The following TP53BP1 variants were observed in gnomAD, a reference collection of about 807,000 sequenced individuals.
TP53BP1 encodes tumor protein p53 binding protein 1, also known as TP53-binding protein 1.
In TP53BP1, 61 loss-of-function variants were observed where a neutral mutation model predicts 200.8. The ratio of observed to expected loss-of-function variants is 0.30; its 90% CI spans 0.25 to 0.38. The LOEUF (loss-of-function observed/expected upper bound fraction) is 0.38. Ranked by LOEUF, TP53BP1 falls within the 10% of genes least tolerant of loss-of-function variation. The probability of loss-of-function intolerance (pLI) is 1.00; values close to 1 mark genes in which losing one functional copy is unlikely to be tolerated. For missense variants in TP53BP1, 2,144 were observed against 2,371.9 expected (o/e 0.90, Z 2.00); for synonymous variants, 822 against 844.3 (o/e 0.97, Z 0.46).
In TP53BP1 at chr15:43,492,425, G is replaced by A. The variant is rs1289402101; in HGVS notation, c.51C>T (p.Phe17=). The change falls in exon 2 of 28, where the codon TTC becomes TTT. Residue 17 remains phenylalanine (F), a synonymous_variant. Transcript: ENST00000382044. ...DPTGSQLDSD[F]SQQDTPCLII... ...TCAGGCAAGGAGTATCTTGCTGAGAGAAATCTGAATCCAACTGACTTCCAG... is the reference window on the plus strand; with the variant it reads ...TCAGGCAAGGAGTATCTTGCTGAGAAAAATCTGAATCCAACTGACTTCCAG... 3 of 1,614,054 alleles carry A rather than the reference G, an allele frequency of 1.9e-6. No individual in the cohort carries two copies. The highest frequency in any genetic ancestry group is 1.7e-6 in the Non-Finnish European group (2 of 1,179,984).
rs2079138411 is a variant in TP53BP1, at chr15:43,492,409, G to A, written c.67C>T (p.Pro23Ser). The change falls in exon 2 of 28, where the codon CCT (proline) becomes TCT (serine). Residue 23 changes from proline (P) to serine (S), a missense_variant. By Grantham distance (74) the Pro-to-Ser change is moderately conservative (BLOSUM62 -1). This residue lies in a region of TP53BP1 where 1,700 missense variants were observed against 1,710.3 expected (regional missense o/e 0.99). Transcript: ENST00000382044. Reference protein sequence around the residue: ...LDSDFSQQDTPCLIIEDSQPE... With the variant: ...LDSDFSQQDTSCLIIEDSQPE... ...TGAGAATCTTCAATTATCAGGCAAG[G>A]AGTATCTTGCTGAGAGAAATCTGAA... 6.2e-7 allele frequency: 1 copy of A among 1,613,934 alleles called. No individual in the cohort carries two copies. Among genetic ancestry groups the A allele is most frequent in the Non-Finnish European group, 8.5e-7 (1 of 1,179,860 alleles).
At chr15:43,498,535 AAGAGAG>A (rs956805908) in intron 1 of TP53BP1, among the ~76,000 whole-genome samples, 1 of 151,710 alleles carries the variant, frequency 6.6e-6, no homozygotes, top group Non-Finnish European at 1.5e-5. Context: ...TCCAAAGAGA[AAGAGAG>A]AGAGAGAGAA....
At position 43,447,380 on chromosome 15, in the gene TP53BP1, T is replaced by C. The variant is rs1316718233; in HGVS notation, c.2822A>G (p.His941Arg). 2 of 1,599,752 alleles carry C rather than the reference T, an allele frequency of 1.3e-6. No individual in the cohort carries two copies. Among genetic ancestry groups the C allele is most frequent in the Non-Finnish European group, 1.7e-6 (2 of 1,176,708 alleles). The part of the protein sequence containing the change: ...IGHLKLEPKR[H>R]STPIGISNYP... Reference sequence around the variant, plus strand: ...TATTCACTCACCAATAGGAGTACTGTGTCTCTTGGGCTCCAATTTTAGGTG... The same window carrying C: ...TATTCACTCACCAATAGGAGTACTGCGTCTCTTGGGCTCCAATTTTAGGTG... The change falls in exon 13 of 28, where the codon CAC becomes CGC. Residue 941 changes from histidine (H) to arginine (R), a missense_variant. His to Arg is a conservative substitution (Grantham distance 29, BLOSUM62 0). This residue lies in a region of TP53BP1 where 1,700 missense variants were observed against 1,710.3 expected (regional missense o/e 0.99). Transcript: ENST00000382044.
chr15:43,455,251 ATCCT>A (rs1353737128), intron 12 of TP53BP1, among the ~76,000 whole-genome samples: 1 of 152,150 alleles, frequency 6.6e-6, no homozygotes, highest in African/African-American at 2.4e-5. Context: ...ATCAAAAAAG[ATCCT>A]TCTACTTCAA....
chr15:43,482,216 G>A (rs2078981887), intron 4 of TP53BP1, among the ~76,000 whole-genome samples: 1 of 151,786 alleles, frequency 6.6e-6, no homozygotes, highest in African/African-American at 2.4e-5. Flanking sequence ...GCGACAGAGC[G>A]AGACTCCACC....
In TP53BP1 at chr15:43,416,236, T is replaced by C; in HGVS notation, c.4862A>G (p.Asp1621Gly). ...AGCAAAAGTCTTACCTAAGCTGATATCTGCTGCCTTTGTAAGAGGTGTTAC... is the reference window on the plus strand; with the variant it reads ...AGCAAAAGTCTTACCTAAGCTGATACCTGCTGCCTTTGTAAGAGGTGTTAC... ...EAVTPLTKAA[D>G]ISLDNLVEGK... Residue 1621 changes from aspartate to glycine, a missense_variant, in exon 22 of 28, where the codon GAT (aspartate) becomes GGT (glycine). Asp to Gly is a moderately conservative substitution (Grantham distance 94, BLOSUM62 -1). This residue lies in a region of TP53BP1 where 334 missense variants were observed against 453.4 expected (regional missense o/e 0.74). Coordinates refer to ENST00000382044, the MANE Select transcript of TP53BP1 (RefSeq NM_001141980.3). 1 of 1,613,610 alleles carries C rather than the reference T, an allele frequency of 6.2e-7. No homozygotes were observed. The highest frequency in any genetic ancestry group is 8.5e-7 in the Non-Finnish European group (1 of 1,179,880).
rs1454709125 is a variant in TP53BP1 at position 43,415,634 on chromosome 15, G to A, written c.5049C>T (p.Ser1683=). The change falls in exon 23 of 28, where the codon TCC becomes TCT. Residue 1683 remains serine, a synonymous_variant. Coordinates refer to ENST00000382044, the MANE Select transcript of TP53BP1 (RefSeq NM_001141980.3). ...RKLITSEEER[S]PAKRGRKSAT... Reference sequence around the variant, plus strand: ...CAGACTTGCGACCTCGCTTGGCAGGGGACCGTTCCTCTTCAGAAGTGATAA... The same window carrying A: ...CAGACTTGCGACCTCGCTTGGCAGGAGACCGTTCCTCTTCAGAAGTGATAA... 1.2e-6 allele frequency: 2 copies of A among 1,614,168 alleles called. No homozygotes were observed. The highest frequency in any genetic ancestry group is 1.7e-6 in the Non-Finnish European group (2 of 1,180,028).
intron 14 of TP53BP1, among the ~76,000 whole-genome samples, chr15:43,443,770 A>C (rs1234944048): frequency 6.6e-6 from 1 of 152,202 alleles, no homozygotes; most frequent in Admixed American, 6.5e-5. Flanking sequence ...GTCGTACTGA[A>C]AAAAATCCCA....
At chr15:43,454,242 T>C (rs1435123665) in intron 12 of TP53BP1, among the ~76,000 whole-genome samples, 2 of 152,082 alleles carry the variant, frequency 1.3e-5, no homozygotes, top group Admixed American at 6.5e-5. Flanking sequence ...CCAAAAAATA[T>C]GGTCACTCAT....
rs531348395 is a variant in TP53BP1, at chr15:43,483,887, G to C, written c.372-2865C>G. Among the ~76,000 whole-genome samples the C allele has an allele frequency of 2.5e-4, 38 of 152,294 alleles. 1 individual carries two copies. The highest frequency in any genetic ancestry group is 7.7e-4 in the African/African-American group (32 of 41,562). On this transcript the variant is annotated intron_variant, in intron 4 of 27. Transcript: ENST00000382044. ...CTCTAAATGCTGGTAGGCTCCGTGA[G>C]TCCTTGGACCTCTTTTCTAGCTACA...
intron 18 of TP53BP1, among the ~76,000 whole-genome samples, chr15:43,426,329 A>G (rs1056602444): frequency 2.0e-5 from 3 of 150,538 alleles, no homozygotes; most frequent in African/African-American, 7.4e-5. Context: ...AATCCCAGCT[A>G]CTCAGGAGGC....
At chr15:43,422,675 G>A (rs1184853264) in intron 18 of TP53BP1, among the ~76,000 whole-genome samples, 1 of 152,122 alleles carries the variant, frequency 6.6e-6, no homozygotes. Flanking sequence ...AACTGATCAA[G>A]GCAATAGAAA....
At chr15:43,437,822 G>C (rs2045833768) in intron 16 of TP53BP1, among the ~76,000 whole-genome samples, 1 of 152,164 alleles carries the variant, frequency 6.6e-6, no homozygotes, top group African/African-American at 2.4e-5. Flanking sequence ...ATCTTAGTCT[G>C]TTTTCTGCTG....
In TP53BP1 at chr15:43,404,677, T is replaced by TAG; in HGVS notation, c.*2704_*2705dup. On this transcript the variant is annotated 3_prime_UTR_variant, in exon 28 of 28. Coordinates refer to ENST00000382044, the MANE Select transcript of TP53BP1 (RefSeq NM_001141980.3). ...TCATTTTATAAGTAAGGCTTAGAGA[T>TAG]AGAGGTGTGACCATCTTTAATAATT... is the stretch of plus-strand genomic sequence containing the variant. 1 of 1,011,684 alleles carries TAG rather than the reference T, an allele frequency of 9.9e-7. No individual in the cohort carries two copies. Among genetic ancestry groups the TAG allele is most frequent in the Non-Finnish European group, 1.4e-6 (1 of 694,888 alleles). The allele number at this position is 1,011,684 out of a possible 1,614,324, so 62.7% of individuals were successfully genotyped here. A position where few individuals can be genotyped will look rare whatever the true frequency, so the allele number is the denominator to read the frequency against.
intron 12 of TP53BP1, among the ~76,000 whole-genome samples, chr15:43,454,457 G>A (rs943337799): frequency 3.3e-5 from 5 of 150,984 alleles, no homozygotes; most frequent in Non-Finnish European, 5.9e-5. Flanking sequence ...TCCATCTCCC[G>A]GGTTCAAGTG....
intron 17 of TP53BP1, among the ~76,000 whole-genome samples, chr15:43,430,036 TAA>T (rs1404013763): frequency 6.6e-6 from 1 of 152,068 alleles, no homozygotes; most frequent in Non-Finnish European, 1.5e-5. Flanking sequence ...GGAGAAAAGG[TAA>T]AGAGGGCAGA....
At chr15:43,500,807 T>C (rs1166274881) in intron 1 of TP53BP1, among the ~76,000 whole-genome samples, 19 of 150,678 alleles carry the variant, frequency 1.3e-4, no homozygotes, top group Admixed American at 1.3e-3. Context: ...GGCGACAGAG[T>C]GAGACTCTGT....
intron 1 of TP53BP1, among the ~76,000 whole-genome samples, chr15:43,506,994 G>A (rs1241972204): frequency 1.3e-5 from 2 of 152,214 alleles, no homozygotes; most frequent in Admixed American, 6.5e-5. Flanking sequence ...AACCTCTAAA[G>A]GGTACTTAAA....
At chr15:43,452,493 G>A (rs1407668351) in intron 12 of TP53BP1, among the ~76,000 whole-genome samples, 1 of 151,904 alleles carries the variant, frequency 6.6e-6, no homozygotes, top group Non-Finnish European at 1.5e-5. Context: ...AGCCCGGGAG[G>A]TCAAGGCTGC....
Sources: allele counts gnomAD v4.1 joint callset (sites outside exome capture counted in the v4.1 genomes callset), GRCh38; gene constraint gnomAD v4.1.1; regional missense constraint gnomAD v4.1.1; transcripts MANE v1.5; gene names NCBI Gene and HGNC (gene_info 2026-07-23, HGNC 2026-07-21).